ODAD2: variants seen among roughly 807,000 people sequenced by gnomAD.
ODAD2 encodes the protein outer dynein arm-docking complex subunit 2.
Under a neutral mutation model 106.8 loss-of-function variants are expected in ODAD2, and 89 were observed. That is an observed-to-expected ratio of 0.83 (90% CI 0.70 to 0.99). ODAD2 has a LOEUF of 0.99. Ranked by LOEUF, ODAD2 falls within the 50% of genes least tolerant of loss-of-function variation. The probability of loss-of-function intolerance (pLI) is 0.00; values close to 1 mark genes in which losing one functional copy is unlikely to be tolerated. For synonymous variants in ODAD2, 404 were observed against 436.2 expected, an observed-to-expected ratio of 0.93 and a Z score of 0.92; for missense variants, 1,168 against 1,238.5, an observed-to-expected ratio of 0.94 and a Z score of 0.85.
At chr10:27,830,399 C>T (rs1313665678) in intron 19 of ODAD2, among the ~76,000 whole-genome samples, 1 of 152,116 alleles carries the variant, frequency 6.6e-6, no homozygotes. Context: ...AGTCTCAACT[C>T]GATACTTGGA....
intron 2 of ODAD2, among the ~76,000 whole-genome samples, chr10:27,992,256 G>A (rs779439789): frequency 3.2e-4 from 48 of 152,146 alleles, no homozygotes; most frequent in African/African-American, 4.1e-4. Context: ...TATCAATAAC[G>A]GTCAGACACA....
intron 10 of ODAD2, among the ~76,000 whole-genome samples, chr10:27,955,483 T>G (rs139947375): frequency 6.6e-6 from 1 of 152,186 alleles, no homozygotes; most frequent in Non-Finnish European, 1.5e-5. Flanking sequence ...AGTCCTGGCC[T>G]GCAGCTCCCT....
intron 17 of ODAD2, among the ~76,000 whole-genome samples, chr10:27,864,682 A>G (rs1479453519): frequency 6.6e-6 from 1 of 151,818 alleles, no homozygotes; most frequent in Non-Finnish European, 1.5e-5. Flanking sequence ...GGTGTGGGCC[A>G]AGGAAAAGAA....
At chr10:27,902,012 A>G (rs1206851138) in intron 17 of ODAD2, among the ~76,000 whole-genome samples, 1 of 152,204 alleles carries the variant, frequency 6.6e-6, no homozygotes, top group Non-Finnish European at 1.5e-5. Flanking sequence ...CATTCTTCTC[A>G]GCACCACATC....
intron 17 of ODAD2, among the ~76,000 whole-genome samples, chr10:27,885,577 T>A (rs1245963394): frequency 4.8e-4 from 18 of 37,140 alleles, no homozygotes; most frequent in African/African-American, 1.2e-3. Flanking sequence ...TATATATATA[T>A]AAATATATAA....
intron 10 of ODAD2, among the ~76,000 whole-genome samples, chr10:27,959,723 A>G (rs1238495388): frequency 2.0e-5 from 3 of 152,098 alleles, no homozygotes. Context: ...ATTATTCTGT[A>G]TTTTTCCTAA....
intron 19 of ODAD2, among the ~76,000 whole-genome samples, chr10:27,843,608 A>T (rs1838476258): frequency 6.6e-6 from 1 of 152,164 alleles, no homozygotes. Context: ...TATACTAAAA[A>T]TAGAAAAAAA....
At chr10:27,825,390 C>G (rs1272223897) in intron 19 of ODAD2, among the ~76,000 whole-genome samples, 1 of 152,178 alleles carries the variant, frequency 6.6e-6, no homozygotes, top group Non-Finnish European at 1.5e-5. Flanking sequence ...CAAGGGGAGA[C>G]AGCAGAGAAG....
chr10:27,882,478 T>A (rs538040864), intron 17 of ODAD2, among the ~76,000 whole-genome samples: 13 of 152,106 alleles, frequency 8.5e-5, no homozygotes, highest in Non-Finnish European at 1.3e-4. Context: ...GGTGGAATAG[T>A]GACCTCCAAA....
At chr10:27,881,456 T>C (rs375753291) in intron 17 of ODAD2, among the ~76,000 whole-genome samples, 1 of 151,722 alleles carries the variant, frequency 6.6e-6, no homozygotes. Flanking sequence ...ATAGCAAGAC[T>C]TCTGCTTCTA....
chr10:27,953,211 T>C (rs1176176990), intron 10 of ODAD2, among the ~76,000 whole-genome samples: 1 of 152,202 alleles, frequency 6.6e-6, no homozygotes, highest in Non-Finnish European at 1.5e-5. Flanking sequence ...AAGTGCACAA[T>C]ATATATTGTT....
intron 17 of ODAD2, among the ~76,000 whole-genome samples, chr10:27,882,217 GAAAGAAAGAAAGAAAGAAAT>G (rs1449116569): frequency 2.6e-5 from 4 of 151,154 alleles, no homozygotes; most frequent in Admixed American, 1.3e-4. Context: ...AAGAAAGAAA[GAAAGAAAGAAAGAAAGAAAT>G]ATGAACTCTC....
At chr10:27,998,713 G>A (rs1850706432) in intron 1 of ODAD2, among the ~76,000 whole-genome samples, 1 of 152,140 alleles carries the variant, frequency 6.6e-6, no homozygotes, top group Admixed American at 6.5e-5. Context: ...GGCAGCGGCG[G>A]GGCCAGAGAG....
At chr10:27,978,761 C>A (rs763818965) in intron 7 of ODAD2, among the ~76,000 whole-genome samples, 1 of 152,016 alleles carries the variant, frequency 6.6e-6, no homozygotes, top group Non-Finnish European at 1.5e-5. Flanking sequence ...CACTGCACTT[C>A]AGCCTGAGTG....
At chr10:27,963,002 C>T (rs1267414958) in intron 9 of ODAD2, among the ~76,000 whole-genome samples, 1 of 151,186 alleles carries the variant, frequency 6.6e-6, no homozygotes, top group Non-Finnish European at 1.5e-5. Flanking sequence ...GTCTATTTTG[C>T]CCTGTGTACT....
chr10:27,925,846 A>G (rs1169196120), intron 16 of ODAD2, among the ~76,000 whole-genome samples: 1 of 152,076 alleles, frequency 6.6e-6, no homozygotes, highest in Non-Finnish European at 1.5e-5. Context: ...AGCTAATGAA[A>G]TTAGAGGAGA....
intron 7 of ODAD2, among the ~76,000 whole-genome samples, chr10:27,972,897 C>T (rs573529289): frequency 6.6e-6 from 1 of 152,156 alleles, no homozygotes; most frequent in African/African-American, 2.4e-5. Flanking sequence ...CACAATCAGA[C>T]AACTTGGCTT....
At chr10:27,875,109 C>T (rs1413466753) in intron 17 of ODAD2, among the ~76,000 whole-genome samples, 2 of 152,182 alleles carry the variant, frequency 1.3e-5, no homozygotes, top group Admixed American at 1.3e-4. Context: ...TTCATTTGAT[C>T]TTCAATCACT....
chr10:27,994,846 C>G, intron 2 of ODAD2, 73 bp downstream of exon 2: 1 of 1,524,108 alleles, frequency 6.6e-7, no homozygotes, highest in East Asian at 2.4e-5. Flanking sequence ...TGACTTGCCC[C>G]CAAACCTAGA....
Sources: gnomAD v4.1 joint callset for allele counts (sites outside exome capture counted in the v4.1 genomes callset) on GRCh38, gnomAD v4.1.1 for gene constraint, MANE v1.5 for transcripts, NCBI Gene and HGNC (gene_info 2026-07-23, HGNC 2026-07-21) for gene names.